The following FHIT variants were observed in gnomAD, a reference collection of about 807,000 sequenced individuals.
FHIT encodes bis(5'-adenosyl)-triphosphatase.
FHIT carries 19 observed loss-of-function variants against 17.9 expected under a neutral mutation model. The ratio of observed to expected loss-of-function variants is 1.06; its 90% confidence interval spans 0.74 to 1.56. FHIT has a LOEUF of 1.56. Among genes scored for constraint, FHIT ranks in the 40% most tolerant of loss-of-function variants. The pLI is 0.00. For synonymous variants in FHIT, 81 were observed against 69.7 expected (o/e 1.16, Z -0.81); for missense variants, 248 against 189.2 (o/e 1.31, Z -1.82).
At chr3:60,136,000 G>A (rs189110993) in intron 5 of FHIT, among the ~76,000 whole-genome samples, 2 of 152,168 alleles carry the variant, frequency 1.3e-5, no homozygotes, top group East Asian at 1.9e-4. Flanking sequence ...AACAATATAT[G>A]TATTTGAGTA....
intron 2 of FHIT, among the ~76,000 whole-genome samples, chr3:61,146,140 CCTTT>C (rs1292443245): frequency 3.3e-5 from 5 of 151,976 alleles, no homozygotes; most frequent in African/African-American, 1.2e-4. Flanking sequence ...CTTTCTTAAT[CCTTT>C]CTATTTCTAG....
chr3:59,789,828 G>A (rs1048128757), intron 8 of FHIT, among the ~76,000 whole-genome samples: 9 of 152,086 alleles, frequency 5.9e-5, no homozygotes, highest in African/African-American at 1.9e-4. Flanking sequence ...TTTATTAGTG[G>A]GATTTTATGA....
At chr3:60,671,618 A>G (rs2040506283) in intron 4 of FHIT, among the ~76,000 whole-genome samples, 1 of 152,134 alleles carries the variant, frequency 6.6e-6, no homozygotes, top group Non-Finnish European at 1.5e-5. Flanking sequence ...TATATCTGAA[A>G]GTTCTTAAAG....
At chr3:60,699,752 T>C (rs1368804680) in intron 4 of FHIT, among the ~76,000 whole-genome samples, 2 of 144,216 alleles carry the variant, frequency 1.4e-5, no homozygotes, top group African/African-American at 2.5e-5. Context: ...TTAAGATAAA[T>C]ACACACACAC....
rs60941309 is a variant in FHIT at position 60,668,371 on chromosome 3, GAAAAAAAAAAAA to G, written c.-17-131404_-17-131393del. On this transcript the variant is annotated intron_variant, in intron 4 of 9. Coordinates refer to ENST00000492590, the MANE Select transcript of FHIT (RefSeq NM_002012.4). ...TCCAGAGGGACATCCGCTCAATCAGGAAAAAAAAAAAAAAAAAAAAAAAAAATCAGCCTCCCT... is the reference window on the plus strand; with the variant it reads ...TCCAGAGGGACATCCGCTCAATCAGGAAAAAAAAAAAAAATCAGCCTCCCT... 6.4e-3 allele frequency among the ~76,000 whole-genome samples: 433 copies of G among 68,022 alleles called. 4 individuals are homozygous for G. Among genetic ancestry groups the G allele is most frequent in the Admixed American group, 0.011 (55 of 4,968 alleles). 44.6% of individuals were successfully genotyped at this position (68,022 alleles called of 152,430 possible). A position where few individuals can be genotyped will look rare whatever the true frequency, so the allele number is the denominator to read the frequency against.
At chr3:61,095,022 G>A (rs961252480) in intron 2 of FHIT, among the ~76,000 whole-genome samples, 1 of 152,158 alleles carries the variant, frequency 6.6e-6, no homozygotes, top group African/African-American at 2.4e-5. Flanking sequence ...CTGTATGTGA[G>A]GACTAAGAAT....
chr3:60,575,565 A>G (rs1014153201), intron 4 of FHIT, among the ~76,000 whole-genome samples: 1 of 152,170 alleles, frequency 6.6e-6, no homozygotes, highest in Non-Finnish European at 1.5e-5. Context: ...TTTTCATTTA[A>G]AAGAATGAAA....
intron 5 of FHIT, among the ~76,000 whole-genome samples, chr3:60,531,631 A>T (rs2107588088): frequency 6.6e-6 from 1 of 152,314 alleles, no homozygotes; most frequent in Admixed American, 6.5e-5. Context: ...AGTTTCCTGA[A>T]CAATTAAAGG....
At position 60,011,403 on chromosome 3, in the gene FHIT, A is replaced by C. The variant is rs1700133536; in HGVS notation, c.250-3T>G. The C allele has an allele frequency of 6.2e-7, 1 of 1,613,306 alleles. No homozygotes were observed. Among genetic ancestry groups the C allele is most frequent in the African/African-American group, 1.3e-5 (1 of 74,928 alleles). On this transcript the variant is annotated splice_polypyrimidine_tract_variant and splice_region_variant and intron_variant, in intron 6 of 9. Transcript: ENST00000492590. Reference sequence around the variant, plus strand: ...GTCTGTCCGGCTTCGGGGCCATCCTAGAAGTAGGAAAAAACCAACAGAGGT... The same window carrying C: ...GTCTGTCCGGCTTCGGGGCCATCCTCGAAGTAGGAAAAAACCAACAGAGGT...
chr3:60,052,360 T>C (rs1283814287), intron 5 of FHIT, among the ~76,000 whole-genome samples: 1 of 151,988 alleles, frequency 6.6e-6, no homozygotes, highest in Non-Finnish European at 1.5e-5. Flanking sequence ...CCAACACAGG[T>C]CATGTACTAA....
chr3:60,438,168 T>A (rs2030443878), intron 5 of FHIT, among the ~76,000 whole-genome samples: 1 of 152,020 alleles, frequency 6.6e-6, no homozygotes, highest in African/African-American at 2.4e-5. Context: ...AGCAAAGCTA[T>A]CTCCAGTAGG....
At chr3:60,414,828 A>T (rs1426426032) in intron 5 of FHIT, among the ~76,000 whole-genome samples, 1 of 152,202 alleles carries the variant, frequency 6.6e-6, no homozygotes, top group Admixed American at 6.5e-5. Context: ...TAAGTAAAGA[A>T]GATACCCTTG....
At chr3:60,630,495 C>T (rs782817983) in intron 4 of FHIT, among the ~76,000 whole-genome samples, 20 of 152,196 alleles carry the variant, frequency 1.3e-4, no homozygotes, top group Non-Finnish European at 2.8e-4. Context: ...TCTAGAAGCT[C>T]TGGAAAATTC....
Position 59,854,436 on chromosome 3 carries a change from A to T in FHIT, c.348+67910T>A, listed in dbSNP as rs574820713. 5.0e-4 allele frequency among the ~76,000 whole-genome samples: 76 copies of T among 152,290 alleles called. 1 individual carries two copies. Among genetic ancestry groups the T allele is most frequent in the Admixed American group, 3.9e-3 (60 of 15,288 alleles). ...GTCAAGTTTCCCATCTGACTTTCCA[A>T]TGAGCATCCCAATCATCACTTAGGT... is the stretch of plus-strand genomic sequence containing the variant. On this transcript the variant is annotated intron_variant, in intron 8 of 9. Coordinates refer to ENST00000492590, the MANE Select transcript of FHIT (RefSeq NM_002012.4).
At chr3:60,247,161 G>C (rs998011079) in intron 5 of FHIT, among the ~76,000 whole-genome samples, 1 of 151,944 alleles carries the variant, frequency 6.6e-6, no homozygotes, top group South Asian at 2.1e-4. Flanking sequence ...GGGAGTATTC[G>C]GGATGACTCT....
At chr3:60,884,729 G>C (rs1156480309) in intron 3 of FHIT, among the ~76,000 whole-genome samples, 1 of 151,836 alleles carries the variant, frequency 6.6e-6, no homozygotes, top group Non-Finnish European at 1.5e-5. Context: ...CCAGGAGTTT[G>C]AGACCAGCCT....
rs6809115 is a variant in FHIT, at chr3:60,268,048, C to T, written c.104-253896G>A. On this transcript the variant is annotated intron_variant, in intron 5 of 9. Transcript: ENST00000492590. ...CTGAAAATGTCACTTAATAAATAAC[C>T]TTCAAATTTAAATGCAAACTGTGGA... Among the ~76,000 whole-genome samples, 1,316 of 152,212 alleles carry T rather than the reference C, an allele frequency of 8.6e-3. 23 individuals are homozygous for T. Among genetic ancestry groups the T allele is most frequent in the African/African-American group, 0.031 (1,277 of 41,540 alleles).
chr3:60,214,787 G>A lies in FHIT; in HGVS notation c.104-200635C>T, dbSNP rs149410478. On this transcript the variant is annotated intron_variant, in intron 5 of 9. Coordinates refer to ENST00000492590, the MANE Select transcript of FHIT (RefSeq NM_002012.4). Reference sequence around the variant, plus strand: ...CCAAGATGCCCATCAACAGTGAACTGGATAAAGAAAATGTGGTACATATAT... The same window carrying A: ...CCAAGATGCCCATCAACAGTGAACTAGATAAAGAAAATGTGGTACATATAT... 7.2e-3 allele frequency among the ~76,000 whole-genome samples: 1,103 copies of A among 152,206 alleles called. 9 individuals are homozygous for A. The highest frequency in any genetic ancestry group is 0.025 in the African/African-American group (1,035 of 41,516).
At chr3:60,368,467 CTG>C (rs768832789) in intron 5 of FHIT, among the ~76,000 whole-genome samples, 2 of 151,878 alleles carry the variant, frequency 1.3e-5, no homozygotes, top group Non-Finnish European at 2.9e-5. Flanking sequence ...TTTGGGCACT[CTG>C]TTGAAATATT....
Sources: gnomAD v4.1 joint callset for allele counts (sites outside exome capture counted in the v4.1 genomes callset) on GRCh38, gnomAD v4.1.1 for gene constraint, MANE v1.5 for transcripts, NCBI Gene and HGNC (gene_info 2026-07-23, HGNC 2026-07-21) for gene names.